Variants in CYTH2 observed in about 807,000 individuals in gnomAD.
CYTH2 encodes the protein cytohesin-2.
Under a neutral mutation model 55.4 loss-of-function variants are expected in CYTH2, and 24 were observed. The observed-to-expected ratio is 0.43, with a 90% confidence interval of 0.31 to 0.61. The LOEUF is 0.61. Among genes scored for constraint, CYTH2 ranks in the 20% least tolerant of loss-of-function variants. The pLI is 0.08. For missense variants in CYTH2, 378 were observed against 533.5 expected (o/e 0.71, Z 2.87); for synonymous variants, 221 against 209.6 (o/e 1.05, Z -0.47).
intron 5 of CYTH2, 62 bp from the exon 6 acceptor site, chr19:48,473,843 C>A (rs1020509403): frequency 5.2e-6 from 7 of 1,342,368 alleles, no homozygotes; most frequent in Non-Finnish European, 6.2e-6. Context: ...AACACAGGGA[C>A]TGAGAGTGGG....
intron 8 of CYTH2, chr19:48,475,909 GA>G: frequency 2.4e-6 from 1 of 424,152 alleles, no homozygotes; most frequent in Non-Finnish European, 4.8e-6. Flanking sequence ...CTGCTCCAGA[GA>G]GACACATCTG....
In CYTH2 at chr19:48,473,738, C is replaced by T. The variant is rs534631523; in HGVS notation, c.435-167C>T. On this transcript the variant is annotated intron_variant, in intron 5 of 11. Transcript: ENST00000452733. ...TTTCTGTAGGGATTCACAACACTCC[C>T]GTGGCCAATGCCCATTGGTGAGACT... 16 of 622,700 alleles carry T rather than the reference C, an allele frequency of 2.6e-5. 1 individual carries two copies. Among genetic ancestry groups the T allele is most frequent in the African/African-American group, 1.1e-4 (6 of 54,238 alleles). The allele number at this position is 622,700 out of a possible 1,614,324, so 38.6% of individuals were successfully genotyped here.
At chr19:48,472,190 C>G (rs1281700285) in intron 3 of CYTH2, 135 bp from the exon 4 acceptor site, 2 of 722,936 alleles carry the variant, frequency 2.8e-6, no homozygotes, top group East Asian at 2.5e-5. Context: ...TATTTAAGAC[C>G]TGTGAGAAGG....
rs1188203627 is a variant in CYTH2, at chr19:48,480,432, C to G, written c.*1222C>G. The G allele has an allele frequency of 6.6e-6, 1 of 152,204 alleles. No individual in the cohort carries two copies. The highest frequency in any genetic ancestry group is 1.5e-5 in the Non-Finnish European group (1 of 68,022). The allele number at this position is 152,204 out of a possible 1,614,324, so 9.4% of individuals were successfully genotyped here. On this transcript the variant is annotated 3_prime_UTR_variant, in exon 12 of 12. Transcript: ENST00000452733. ...GCGCTTCGGAATTTCGGGCTTTGAT[C>G]CCTGTCCCGCCCTTGGCCACAGGCA...
chr19:48,475,571 T>TG, intron 8 of CYTH2: 2 of 155,872 alleles, frequency 1.3e-5, no homozygotes, highest in South Asian at 3.9e-4. Flanking sequence ...GTCTTCGTCA[T>TG]AACACGTGGC....
chr19:48,481,322 A>G lies in CYTH2; in HGVS notation c.*2112A>G, dbSNP rs1406494380. 1 of 152,794 alleles carries G rather than the reference A, an allele frequency of 6.5e-6. No homozygotes were observed. The highest frequency in any genetic ancestry group is 2.0e-4 in the South Asian group (1 of 5,014). The allele number at this position is 152,794 out of a possible 1,614,324, so 9.5% of individuals were successfully genotyped here. A position where few individuals can be genotyped will look rare whatever the true frequency, so the allele number is the denominator to read the frequency against. On this transcript the variant is annotated 3_prime_UTR_variant, in exon 12 of 12. Transcript: ENST00000452733. ...GAAATCAGGCATTCCGTTTTGACCA[A>G]ATTAAGCTGGAGATGCCTGTGGAAC... is the stretch of plus-strand genomic sequence containing the variant.
In CYTH2 at chr19:48,469,469, G is replaced by C. The variant is rs1281546795; in HGVS notation, c.-39G>C. 1 of 1,310,872 alleles carries C rather than the reference G, an allele frequency of 7.6e-7. No homozygotes were observed. Among genetic ancestry groups the C allele is most frequent in the Non-Finnish European group, 9.8e-7 (1 of 1,022,400 alleles). 81.2% of individuals were successfully genotyped at this position (1,310,872 alleles called of 1,614,324 possible). ...CAACGCGGATCCAGGCCCGACTGGC[G>C]GGACCGCCCCGGATTCCCCGCGGGC... On this transcript the variant is annotated 5_prime_UTR_variant, in exon 1 of 12. Coordinates refer to ENST00000452733, the MANE Select transcript of CYTH2 (RefSeq NM_004228.7).
chr19:48,474,327 C>A lies in CYTH2; in HGVS notation c.693C>A (p.Leu231=). Reference sequence around the variant, plus strand: ...GCGGGGACCTGCCTGAGGAGCTGCTCAGGGTCAGTCCCCCTTCCCTGCCCC... The same window carrying A: ...GCGGGGACCTGCCTGAGGAGCTGCTAAGGGTCAGTCCCCCTTCCCTGCCCC... ...NEGGDLPEEL[L]RNLYDSIRNE... Residue 231 remains leucine, a synonymous_variant, in exon 7 of 12, where the codon CTC becomes CTA. Coordinates refer to ENST00000452733, the MANE Select transcript of CYTH2 (RefSeq NM_004228.7). This position sits in a 1 kb window ranked among gnomAD's most constrained non-coding sequence, Gnocchi z 4.9. 1 of 1,596,424 alleles carries A rather than the reference C, an allele frequency of 6.3e-7. No individual in the cohort carries two copies. The highest frequency in any genetic ancestry group is 8.5e-7 in the Non-Finnish European group (1 of 1,171,344).
chr19:48,470,207 A>T, intron 1 of CYTH2, 146 bp from the exon 2 acceptor site: 1 of 1,225,156 alleles, frequency 8.2e-7, no homozygotes, highest in Admixed American at 2.2e-5. Flanking sequence ...CTCTGCAGGG[A>T]GGAATCCAGG....
rs1364400458 is a variant in CYTH2, at chr19:48,479,678, T to TA, written c.*469dup. ...AGTTACTTGACAGCCATCAGCCAGT[T>TA]ACGCTACAGCCATCAGCTAGTTCCC... On this transcript the variant is annotated 3_prime_UTR_variant, in exon 12 of 12. Coordinates refer to ENST00000452733, the MANE Select transcript of CYTH2 (RefSeq NM_004228.7). The TA allele has an allele frequency of 6.0e-6, 1 of 165,372 alleles. No individual in the cohort carries two copies. The highest frequency in any genetic ancestry group is 1.3e-5 in the Non-Finnish European group (1 of 74,692). 10.2% of individuals were successfully genotyped at this position (165,372 alleles called of 1,614,324 possible).
At chr19:48,478,205 C>G (rs1450756506) in intron 9 of CYTH2, 60 bp downstream of exon 9, 5 of 1,612,376 alleles carry the variant, frequency 3.1e-6, no homozygotes, top group Non-Finnish European at 4.2e-6. Context: ...AGCCTGGACT[C>G]CTGGGGCTGA....
intron 5 of CYTH2, 62 bp downstream of exon 5, chr19:48,473,440 A>G (rs1971844554): frequency 6.5e-7 from 1 of 1,539,818 alleles, no homozygotes; most frequent in East Asian, 2.2e-5. Context: ...TCCTAGTTAC[A>G]AGTGACAAAC....
At position 48,470,432 on chromosome 19, in the gene CYTH2, T is replaced by A; in HGVS notation, c.99T>A (p.Ile33=). Reference sequence around the variant, plus strand: ...GGAAGCAGGAGCTGCTGGTGGAGATTCAGCGCCTGCGGGAGGAGCTCAGTG... The same window carrying A: ...GGAAGCAGGAGCTGCTGGTGGAGATACAGCGCCTGCGGGAGGAGCTCAGTG... The part of the protein sequence containing the change: ...RRRKQELLVE[I]QRLREELSEA... Residue 33 remains isoleucine, a synonymous_variant, in exon 2 of 12, where the codon ATT becomes ATA. Transcript: ENST00000452733. The A allele has an allele frequency of 6.2e-7, 1 of 1,614,056 alleles. No individual in the cohort carries two copies. The highest frequency in any genetic ancestry group is 8.5e-7 in the Non-Finnish European group (1 of 1,180,004).
rs1327982066 is a variant in CYTH2, at chr19:48,481,515, G to A, written c.*2305G>A. ...GGTTTTTTTTTTTGTTTTTTGTTTT[G>A]TTTTGTTTTGTTTTTGAGAGGGAGT... On this transcript the variant is annotated 3_prime_UTR_variant, in exon 12 of 12. Transcript: ENST00000452733. 5.7e-6 allele frequency: 1 copy of A among 174,832 alleles called. No individual in the cohort carries two copies. The highest frequency in any genetic ancestry group is 1.2e-5 in the Non-Finnish European group (1 of 84,606). 10.8% of individuals were successfully genotyped at this position (174,832 alleles called of 1,614,324 possible). A position where few individuals can be genotyped will look rare whatever the true frequency, so the allele number is the denominator to read the frequency against.
intron 1 of CYTH2, 187 bp downstream of exon 1, chr19:48,469,713 C>A: frequency 1.0e-6 from 1 of 953,338 alleles, no homozygotes; most frequent in Non-Finnish European, 1.5e-6. Flanking sequence ...GCGTTCCAGG[C>A]CATTGTTTGG....
At chr19:48,469,922 G>A (rs1467329920) in intron 1 of CYTH2, 8 of 565,752 alleles carry the variant, frequency 1.4e-5, no homozygotes, top group East Asian at 1.3e-4. Context: ...CAACTCTCCT[G>A]AGCTGTCATC....
rs541527943 is a variant in CYTH2, at chr19:48,481,077, T to C, written c.*1867T>C. ...GGGGCCTGACGTGTTTGGATTGAGG[T>C]TGCAGGAGGGGCCCCTGGCTGCTTC... is the stretch of plus-strand genomic sequence containing the variant. On this transcript the variant is annotated 3_prime_UTR_variant, in exon 12 of 12. Coordinates refer to ENST00000452733, the MANE Select transcript of CYTH2 (RefSeq NM_004228.7). 3.3e-5 allele frequency: 5 copies of C among 152,878 alleles called. No homozygotes were observed. In the East Asian group the frequency reaches 9.6e-4, roughly 29 times the overall value. The allele number at this position is 152,878 out of a possible 1,614,324, so 9.5% of individuals were successfully genotyped here. A position where few individuals can be genotyped will look rare whatever the true frequency, so the allele number is the denominator to read the frequency against.
At chr19:48,478,797 C>T (rs186644936) in intron 11 of CYTH2, among the ~76,000 whole-genome samples, 1,423 of 104,626 alleles carry the variant, frequency 0.014, 11 homozygotes, top group Non-Finnish European at 0.021. Flanking sequence ...CTGGGTCTGA[C>T]GGAGGAGGGG....
rs576831085 is a variant in CYTH2 at position 48,474,426 on chromosome 19, C to G, written c.696+96C>G. The G allele has an allele frequency of 2.2e-6, 3 of 1,348,618 alleles. No individual in the cohort carries two copies. Among genetic ancestry groups the G allele is most frequent in the Middle Eastern group, 1.9e-4 (1 of 5,200 alleles). 83.5% of individuals were successfully genotyped at this position (1,348,618 alleles called of 1,614,324 possible). Reference sequence around the variant, plus strand: ...TCTCCTAGTGCCCAAGCTGTCTGCCCTCACCCCCAAGATGGTGCGATCATG... The same window carrying G: ...TCTCCTAGTGCCCAAGCTGTCTGCCGTCACCCCCAAGATGGTGCGATCATG... On this transcript the variant is annotated intron_variant, in intron 7 of 11. Transcript: ENST00000452733. The surrounding 1 kb of genome is among the most constrained non-coding windows in gnomAD (Gnocchi z 4.9).
Sources: allele counts gnomAD v4.1 joint callset (sites outside exome capture counted in the v4.1 genomes callset), GRCh38; gene constraint gnomAD v4.1.1; non-coding constraint Gnocchi (gnomAD v3.1); transcripts MANE v1.5; gene names NCBI Gene and HGNC (gene_info 2026-07-23, HGNC 2026-07-21).